ZNF292: variants seen among roughly 807,000 people sequenced by gnomAD.
The protein encoded by ZNF292 is 16 zinc-finger domain protein.
In ZNF292, 26 loss-of-function variants were observed where a neutral mutation model predicts 217.9. The observed-to-expected ratio is 0.12, with a 90% CI of 0.09 to 0.17. The LOEUF is 0.17. ZNF292 is among the 10% of genes least tolerant of loss of function. The pLI, the probability that ZNF292 is intolerant of heterozygous loss-of-function variation, is 1.00. For synonymous variants in ZNF292, 1,257 were observed against 1,124.1 expected, an observed-to-expected ratio of 1.12 and a Z score of -2.37; for missense variants, 2,904 against 3,175.2, an observed-to-expected ratio of 0.91 and a Z score of 2.05.
rs377165085 is a variant in ZNF292 at position 87,258,207 on chromosome 6, G to C, written c.4578G>C (p.Thr1526=). Residue 1526 remains threonine (T), a synonymous_variant, in exon 8 of 8, where the codon ACG becomes ACC. Transcript: ENST00000369577. ...CTGATGCATCACAAGTAAATGCAAC[G>C]GTGATGCCAAATCCAACTGTACCAC... ...CVSDASQVNA[T]VMPNPTVPPL... is the part of the protein sequence containing the mutation. 1 of 1,611,644 alleles carries C rather than the reference G, an allele frequency of 6.2e-7. No homozygotes were observed. The highest frequency in any genetic ancestry group is 1.3e-5 in the African/African-American group (1 of 74,968).
chr6:87,199,878 A>G (rs779561941), intron 1 of ZNF292, among the ~76,000 whole-genome samples: 21 of 152,250 alleles, frequency 1.4e-4, no homozygotes, highest in Admixed American at 3.9e-4. Flanking sequence ...AAAGGAATCA[A>G]TCACCTTTAA....
chr6:87,160,491 A>ATGTGTG (rs1260142601), intron 1 of ZNF292, among the ~76,000 whole-genome samples: 4 of 146,324 alleles, frequency 2.7e-5, no homozygotes, highest in Admixed American at 6.9e-5. Context: ...TTGTATATAT[A>ATGTGTG]TGTGTGTGTG....
At chr6:87,181,905 A>C (rs532159952) in intron 1 of ZNF292, among the ~76,000 whole-genome samples, 1 of 152,074 alleles carries the variant, frequency 6.6e-6, no homozygotes. Context: ...GCTGGTCTCA[A>C]ACTCCTGACC....
chr6:87,258,355 C>A lies in ZNF292; in HGVS notation c.4726C>A (p.Leu1576Ile), dbSNP rs752249653. The A allele has an allele frequency of 2.2e-5, 36 of 1,613,536 alleles. No homozygotes were observed. The highest frequency in any genetic ancestry group is 2.2e-4 in the South Asian group (20 of 91,060). The part of the protein sequence containing the change: ...SLPVFPTNDL[L>I]LKTVENGLCS... The stretch of plus-strand genomic sequence containing the variant: ...GCCTGTTTTTCCAACGAATGACTTA[C>A]TACTGAAGACTGTTGAAAATGGTTT... Residue 1576 changes from leucine to isoleucine, a missense_variant, in exon 8 of 8, where the codon CTA becomes ATA. Physicochemically the swap from Leu to Ile is conservative, Grantham distance 5. Transcript: ENST00000369577.
chr6:87,188,253 T>C (rs1342957744), intron 1 of ZNF292, among the ~76,000 whole-genome samples: 1 of 152,180 alleles, frequency 6.6e-6, no homozygotes, highest in Non-Finnish European at 1.5e-5. Context: ...CTGCAAGTTG[T>C]ACAGTTATGA....
At chr6:87,175,360 G>T (rs1285561213) in intron 1 of ZNF292, among the ~76,000 whole-genome samples, 1 of 151,188 alleles carries the variant, frequency 6.6e-6, no homozygotes, top group Non-Finnish European at 1.5e-5. Flanking sequence ...CTCTTTTTTT[G>T]AGTTGGGGTC....
intron 1 of ZNF292, among the ~76,000 whole-genome samples, chr6:87,207,603 TTGTAAC>T (rs752951626): frequency 5.6e-4 from 86 of 152,352 alleles, no homozygotes; most frequent in Admixed American, 2.7e-3. Context: ...TGTTCAGTTT[TTGTAAC>T]TGTTTTACTT....
At chr6:87,240,503 A>G (rs1436674675) in intron 5 of ZNF292, among the ~76,000 whole-genome samples, 2 of 150,652 alleles carry the variant, frequency 1.3e-5, no homozygotes, top group East Asian at 2.0e-4. Context: ...GCTCGCTGCA[A>G]CCTCCACCTC....
chr6:87,155,791 C>T (rs1206262248), intron 1 of ZNF292, 32 bp downstream of exon 1: 2 of 1,555,082 alleles, frequency 1.3e-6, no homozygotes, highest in African/African-American at 1.4e-5. Flanking sequence ...CTCCCCCTTT[C>T]CCCAGCTAGA....
chr6:87,261,568 G>C lies in ZNF292; in HGVS notation c.7939G>C (p.Glu2647Gln). 1 of 1,610,588 alleles carries C rather than the reference G, an allele frequency of 6.2e-7. No individual in the cohort carries two copies. The change falls in exon 8 of 8, where the codon GAA becomes CAA. Residue 2647 changes from glutamate (E) to glutamine (Q), a missense_variant. Transcript: ENST00000369577. ...TGGAAATCATGTATGTCCTTGTAAA[G>C]AAAGCGAAACGTTTGTACAGTTTGC... is the stretch of plus-strand genomic sequence containing the variant. ...TSGNHVCPCKESETFVQFANP... is the reference protein window; with the variant it reads ...TSGNHVCPCKQSETFVQFANP...
chr6:87,236,755 C>T (rs79197595), intron 5 of ZNF292, among the ~76,000 whole-genome samples: 1 of 152,260 alleles, frequency 6.6e-6, no homozygotes, highest in Non-Finnish European at 1.5e-5. Context: ...CTTAAAATCG[C>T]ATACACACTC....
intron 4 of ZNF292, among the ~76,000 whole-genome samples, chr6:87,226,639 C>A (rs924432786): frequency 8.8e-6 from 1 of 114,208 alleles, no homozygotes; most frequent in Non-Finnish European, 1.7e-5. Context: ...GTATATATAT[C>A]TATATATCTA....
At chr6:87,235,716 C>T (rs1019740264) in intron 5 of ZNF292, among the ~76,000 whole-genome samples, 2 of 152,040 alleles carry the variant, frequency 1.3e-5, no homozygotes, top group African/African-American at 4.8e-5. Flanking sequence ...CTGTGAAGAC[C>T]CTGGGTACTT....
rs1775419348 is a variant in ZNF292 at position 87,259,196 on chromosome 6, C to T, written c.5567C>T (p.Pro1856Leu). The change falls in exon 8 of 8, where the codon CCA becomes CTA. Residue 1856 changes from proline to leucine, a missense_variant. Coordinates refer to ENST00000369577, the MANE Select transcript of ZNF292 (RefSeq NM_015021.3). ...KLKLENDLSTPASQCVLINTS... is the reference protein window; with the variant it reads ...KLKLENDLSTLASQCVLINTS... ...AAATTAGAAAATGACCTATCCACTCCAGCATCCCAATGTGTACTGATAAAT... is the reference window on the plus strand; with the variant it reads ...AAATTAGAAAATGACCTATCCACTCTAGCATCCCAATGTGTACTGATAAAT... 1 of 1,613,682 alleles carries T rather than the reference C, an allele frequency of 6.2e-7. No individual in the cohort carries two copies. Among genetic ancestry groups the T allele is most frequent in the Non-Finnish European group, 8.5e-7 (1 of 1,179,710 alleles).
rs528955015 is a variant in ZNF292, at chr6:87,265,266, T to C, written c.*3465T>C. 1.3e-5 allele frequency among the ~76,000 whole-genome samples: 2 copies of C among 151,964 alleles called. No homozygotes were observed. The highest frequency in any genetic ancestry group is 2.9e-5 in the Non-Finnish European group (2 of 67,946). ...AGTAGCTGGGACTACAGATGCATGCTATCACACCCAGCTAATTTTGTAGTT... is the reference window on the plus strand; with the variant it reads ...AGTAGCTGGGACTACAGATGCATGCCATCACACCCAGCTAATTTTGTAGTT... On this transcript the variant is annotated 3_prime_UTR_variant, in exon 8 of 8. Coordinates refer to ENST00000369577, the MANE Select transcript of ZNF292 (RefSeq NM_015021.3).
chr6:87,237,329 C>T (rs1338382807), intron 5 of ZNF292, among the ~76,000 whole-genome samples: 1 of 152,066 alleles, frequency 6.6e-6, no homozygotes, highest in African/African-American at 2.4e-5. Flanking sequence ...CATGGTACCT[C>T]TGCCTCCGGG....
At chr6:87,182,121 C>A (rs372208943) in intron 1 of ZNF292, among the ~76,000 whole-genome samples, 1 of 152,128 alleles carries the variant, frequency 6.6e-6, no homozygotes, top group African/African-American at 2.4e-5. Context: ...CACTGCTAGT[C>A]CATGGTAATT....
intron 1 of ZNF292, among the ~76,000 whole-genome samples, chr6:87,192,584 G>A (rs925877711): frequency 3.9e-5 from 6 of 152,128 alleles, no homozygotes; most frequent in Middle Eastern, 6.8e-3. Flanking sequence ...GTGCCCTTCC[G>A]TAATTTTTTA....
chr6:87,235,632 G>A (rs1744961193), intron 5 of ZNF292, among the ~76,000 whole-genome samples: 1 of 152,048 alleles, frequency 6.6e-6, no homozygotes, highest in Admixed American at 6.6e-5. Flanking sequence ...CTGAGCCTAA[G>A]TTCCTTCTTG....
Sources: gnomAD v4.1 joint callset for allele counts (sites outside exome capture counted in the v4.1 genomes callset) on GRCh38, gnomAD v4.1.1 for gene constraint, MANE v1.5 for transcripts, NCBI Gene and HGNC (gene_info 2026-07-23, HGNC 2026-07-21) for gene names.